TTC17: variants seen among roughly 807,000 people sequenced by gnomAD.
The protein encoded by TTC17 is tetratricopeptide repeat protein 17.
TTC17 carries 58 observed loss-of-function variants against 143.8 expected under a neutral mutation model. The ratio of observed to expected loss-of-function variants is 0.40; its 90% CI spans 0.33 to 0.50. The LOEUF is 0.50. TTC17 is among the 20% of genes least tolerant of loss of function. The probability of loss-of-function intolerance (pLI) is 0.49; values close to 1 mark genes in which losing one functional copy is unlikely to be tolerated. For synonymous variants in TTC17, 501 were observed against 497.8 expected, an observed-to-expected ratio of 1.01 and a Z score of -0.09; for missense variants, 1,273 against 1,392.5, an observed-to-expected ratio of 0.91 and a Z score of 1.37.
intron 10 of TTC17, chr11:43,401,761 G>A (rs533297505): frequency 1.8e-5 from 8 of 457,118 alleles, no homozygotes; most frequent in East Asian, 4.0e-5. Flanking sequence ...GAAGGATCAC[G>A]AGCCCAGGAG....
At position 43,358,947 on chromosome 11, in the gene TTC17, G is replaced by A. The variant is rs1378368538; in HGVS notation, c.-8G>A. 3 of 1,569,910 alleles carry A rather than the reference G, an allele frequency of 1.9e-6. No homozygotes were observed. Among genetic ancestry groups the A allele is most frequent in the East Asian group, 2.5e-5 (1 of 40,086 alleles). Reference sequence around the variant, plus strand: ...TTCCGGTGTGAGCGGCCCGGCCGGGGGGGCAAGATGGCGGCGGCAGTAGGG... The same window carrying A: ...TTCCGGTGTGAGCGGCCCGGCCGGGAGGGCAAGATGGCGGCGGCAGTAGGG... On this transcript the variant is annotated 5_prime_UTR_variant, in exon 1 of 24. Transcript: ENST00000039989.
chr11:43,432,310 G>A (rs888744857), intron 16 of TTC17, among the ~76,000 whole-genome samples: 1 of 152,134 alleles, frequency 6.6e-6, no homozygotes, highest in Non-Finnish European at 1.5e-5. Context: ...ATTTATGCAG[G>A]AGATATCTAA....
chr11:43,479,968 T>C (rs1041050299), intron 21 of TTC17, among the ~76,000 whole-genome samples: 34 of 152,248 alleles, frequency 2.2e-4, no homozygotes, highest in African/African-American at 7.2e-4. Context: ...GTTGCTGGAA[T>C]AACACTGACA....
intron 21 of TTC17, among the ~76,000 whole-genome samples, chr11:43,469,590 G>A (rs947561697): frequency 6.6e-6 from 1 of 152,064 alleles, no homozygotes; most frequent in Non-Finnish European, 1.5e-5. Context: ...AAAGAAGTTG[G>A]TAACAAAAAA....
At chr11:43,419,331 T>C (rs956208412) in intron 16 of TTC17, among the ~76,000 whole-genome samples, 1 of 152,242 alleles carries the variant, frequency 6.6e-6, no homozygotes, top group Non-Finnish European at 1.5e-5. Context: ...ATTTAATATC[T>C]ATTCCAATGT....
intron 20 of TTC17, 46 bp from the exon 21 acceptor site, chr11:43,451,136 C>A (rs746768796): frequency 4.4e-6 from 7 of 1,585,174 alleles, no homozygotes; most frequent in Non-Finnish European, 6.1e-6. Context: ...CATCTAGATC[C>A]TGCATCGTTT....
At chr11:43,493,714 C>T in intron 23 of TTC17, 59 bp from the exon 24 acceptor site, 1 of 1,611,852 alleles carries the variant, frequency 6.2e-7, no homozygotes, top group Non-Finnish European at 8.5e-7. Flanking sequence ...AAAGAGGTCA[C>T]AGTATATATT....
intron 1 of TTC17, among the ~76,000 whole-genome samples, chr11:43,372,618 G>A (rs1856612336): frequency 6.6e-6 from 1 of 151,890 alleles, no homozygotes; most frequent in South Asian, 2.1e-4. Context: ...AGCCTCCCAA[G>A]TAGCTGGGAT....
intron 1 of TTC17, among the ~76,000 whole-genome samples, chr11:43,366,397 T>G (rs1856344512): frequency 6.6e-6 from 1 of 151,574 alleles, no homozygotes; most frequent in African/African-American, 2.4e-5. Flanking sequence ...TCAAAGCTAC[T>G]CGGGAGGCTG....
intron 8 of TTC17, 47 bp downstream of exon 8, chr11:43,398,160 T>C (rs1857698535): frequency 1.2e-6 from 2 of 1,606,534 alleles, no homozygotes; most frequent in Non-Finnish European, 1.7e-6. Context: ...CTATCGAACC[T>C]TAGGTTAAAT....
chr11:43,376,569 T>A (rs188883164), intron 1 of TTC17, among the ~76,000 whole-genome samples: 2 of 152,190 alleles, frequency 1.3e-5, no homozygotes, highest in East Asian at 3.9e-4. Flanking sequence ...CTTTTTAACC[T>A]ACCTCTCTGT....
At chr11:43,401,389 T>A (rs1209078488) in intron 9 of TTC17, 57 bp from the exon 10 acceptor site, 1 of 1,245,878 alleles carries the variant, frequency 8.0e-7, no homozygotes, top group Non-Finnish European at 1.2e-6. Context: ...TCTAAGAAAA[T>A]CACATTGGCA....
chr11:43,375,681 AAGAATAAGTTGC>A (rs1856739330), intron 1 of TTC17, among the ~76,000 whole-genome samples: 1 of 150,086 alleles, frequency 6.7e-6, no homozygotes, highest in Admixed American at 6.8e-5. Context: ...AGTATATATG[AAGAATAAGTTGC>A]ACATGAGAGC....
At chr11:43,432,153 C>T (rs1316772365) in intron 16 of TTC17, among the ~76,000 whole-genome samples, 3 of 152,156 alleles carry the variant, frequency 2.0e-5, no homozygotes, top group South Asian at 2.1e-4. Context: ...ATAGGAGATC[C>T]TGAGAACTTA....
chr11:43,383,161 G>C (rs572025051), intron 2 of TTC17, among the ~76,000 whole-genome samples: 1 of 151,878 alleles, frequency 6.6e-6, no homozygotes, highest in South Asian at 2.1e-4. Flanking sequence ...GCTCCCAAAG[G>C]GCTGGGATTA....
At chr11:43,383,970 C>A (rs1425745739) in intron 2 of TTC17, among the ~76,000 whole-genome samples, 1 of 151,568 alleles carries the variant, frequency 6.6e-6, no homozygotes, top group Non-Finnish European at 1.5e-5. Flanking sequence ...AGTTTAAGAC[C>A]CTGTCTCTAC....
In TTC17 at chr11:43,490,368, A is replaced by G. The variant is rs1432969922; in HGVS notation, c.3150+10A>G. 2 of 1,589,480 alleles carry G rather than the reference A, an allele frequency of 1.3e-6. No individual in the cohort carries two copies. The highest frequency in any genetic ancestry group is 1.7e-6 in the Non-Finnish European group (2 of 1,163,756). On this transcript the variant is annotated intron_variant, in intron 22 of 23. Coordinates refer to ENST00000039989, the MANE Select transcript of TTC17 (RefSeq NM_018259.6). Reference sequence around the variant, plus strand: ...GCCACACCAGATGAAGGTGAGTGGGACTCAGAAGGTGGGAACTTCTGCCCC... The same window carrying G: ...GCCACACCAGATGAAGGTGAGTGGGGCTCAGAAGGTGGGAACTTCTGCCCC...
rs568717107 is a variant in TTC17 at position 43,448,333 on chromosome 11, G to A, written c.2786+211G>A. Among the ~76,000 whole-genome samples, 12 of 152,212 alleles carry A rather than the reference G, an allele frequency of 7.9e-5. No homozygotes were observed. In the East Asian group the frequency reaches 2.1e-3, roughly 27 times the overall value. On this transcript the variant is annotated intron_variant, in intron 19 of 23. Coordinates refer to ENST00000039989, the MANE Select transcript of TTC17 (RefSeq NM_018259.6). ...GCCCCCCTTCCCGGTGCCTTCACCT[G>A]TCCTTTGTAAGCTATCTAGCAGCCA...
chr11:43,479,341 A>G (rs920999767), intron 21 of TTC17, among the ~76,000 whole-genome samples: 4 of 152,228 alleles, frequency 2.6e-5, no homozygotes, highest in Admixed American at 6.5e-5. Flanking sequence ...AACAAATAGC[A>G]TCAGAAATGA....
Sources: gnomAD v4.1 joint callset for allele counts (sites outside exome capture counted in the v4.1 genomes callset) on GRCh38, gnomAD v4.1.1 for gene constraint, MANE v1.5 for transcripts, NCBI Gene and HGNC (gene_info 2026-07-23, HGNC 2026-07-21) for gene names.